The following RBFOX1 variants were observed in gnomAD, a reference collection of about 807,000 sequenced individuals.
RBFOX1 encodes the protein RNA binding fox-1 homolog 1.
RBFOX1 carries 8 observed loss-of-function variants against 57.7 expected under a neutral mutation model. The ratio of observed to expected loss-of-function variants is 0.14; its 90% CI spans 0.08 to 0.25. The LOEUF is 0.25. Ranked by LOEUF, RBFOX1 falls within the 10% of genes least tolerant of loss-of-function variation. RBFOX1 has a pLI of 1.00. For missense variants in RBFOX1, 611 were observed against 548.5 expected (o/e 1.11, Z -1.14); for synonymous variants, 326 against 222.4 (o/e 1.47, Z -4.15).
chr16:5,938,321 G>A (rs201973451), intron 4 of RBFOX1, among the ~76,000 whole-genome samples: 1 of 152,148 alleles, frequency 6.6e-6, no homozygotes, highest in Non-Finnish European at 1.5e-5. Context: ...TTCTCCTCCA[G>A]AGTGTCTCAC....
chr16:5,828,724 C>T (rs149188433), intron 3 of RBFOX1, among the ~76,000 whole-genome samples: 3 of 152,076 alleles, frequency 2.0e-5, no homozygotes, highest in African/African-American at 7.2e-5. Flanking sequence ...AAAATGGAAC[C>T]TTGTCAAAGT....
At chr16:6,866,259 C>T (rs921208618) in intron 3 of RBFOX1, among the ~76,000 whole-genome samples, 1 of 151,814 alleles carries the variant, frequency 6.6e-6, no homozygotes, top group Non-Finnish European at 1.5e-5. Context: ...AACTACTTTC[C>T]TACCACTTTT....
intron 1 of RBFOX1, among the ~76,000 whole-genome samples, chr16:6,286,620 C>A (rs1217058591): frequency 1.3e-5 from 2 of 152,162 alleles, no homozygotes; most frequent in African/African-American, 4.8e-5. Context: ...TTTTACAGAT[C>A]TGACTTCTCC....
intron 2 of RBFOX1, among the ~76,000 whole-genome samples, chr16:5,557,266 T>TAAATAAAC (rs1174213319): frequency 2.6e-5 from 3 of 115,488 alleles, no homozygotes; most frequent in East Asian, 4.9e-4. Context: ...TCTCAATAAA[T>TAAATAAAC]AAATAAATAA....
At chr16:7,323,681 A>G (rs565152713) in intron 4 of RBFOX1, among the ~76,000 whole-genome samples, 1 of 152,290 alleles carries the variant, frequency 6.6e-6, no homozygotes, top group African/African-American at 2.4e-5. Context: ...ACTTCATAGG[A>G]ATGAAGAGGG....
chr16:7,340,296 C>G (rs1568297467), intron 4 of RBFOX1, among the ~76,000 whole-genome samples: 1 of 152,232 alleles, frequency 6.6e-6, no homozygotes. Flanking sequence ...TTTGCACACA[C>G]CATCCCCTGG....
At chr16:7,012,966 C>T (rs1380840516) in intron 3 of RBFOX1, among the ~76,000 whole-genome samples, 1 of 152,130 alleles carries the variant, frequency 6.6e-6, no homozygotes, top group Non-Finnish European at 1.5e-5. Context: ...TGGCCACCTT[C>T]TCAATGTGTC....
At chr16:6,556,040 G>C (rs2097093707) in intron 2 of RBFOX1, among the ~76,000 whole-genome samples, 1 of 152,016 alleles carries the variant, frequency 6.6e-6, no homozygotes, top group South Asian at 2.1e-4. Context: ...GAGGCACTAG[G>C]GCATTTTGAG....
chr16:5,884,187 A>G (rs1047508702), intron 4 of RBFOX1, among the ~76,000 whole-genome samples: 5 of 152,152 alleles, frequency 3.3e-5, no homozygotes, highest in South Asian at 2.1e-4. Context: ...TGATACCTCA[A>G]TTTTACATTT....
chr16:6,344,649 G>A (rs1037750409), intron 2 of RBFOX1, among the ~76,000 whole-genome samples: 4 of 148,380 alleles, frequency 2.7e-5, no homozygotes, highest in African/African-American at 1.0e-4. Flanking sequence ...TGCCTGCCTC[G>A]GCCTCCCAAA....
chr16:5,572,006 T>G (rs2046300288), intron 2 of RBFOX1, among the ~76,000 whole-genome samples: 1 of 152,174 alleles, frequency 6.6e-6, no homozygotes, highest in Non-Finnish European at 1.5e-5. Flanking sequence ...GCCTCCTCTA[T>G]TCTCCATTAG....
chr16:7,230,023 G>T (rs1339048501), intron 4 of RBFOX1, among the ~76,000 whole-genome samples: 1 of 113,996 alleles, frequency 8.8e-6, no homozygotes, highest in Non-Finnish European at 1.8e-5. Context: ...GGAGGAAGAG[G>T]GGAAGGAAGG....
In RBFOX1 at chr16:5,703,160, C is replaced by A. The variant is rs111704227; in HGVS notation, c.318+104199C>A. Among the ~76,000 whole-genome samples the A allele has an allele frequency of 2.4e-3, 362 of 152,270 alleles. 2 individuals are homozygous for A. Among genetic ancestry groups the A allele is most frequent in the South Asian group, 3.7e-3 (18 of 4,822 alleles). On this transcript the variant is annotated intron_variant, in intron 3 of 19. Coordinates refer to the RBFOX1 transcript ENST00000641259. ...TGAGAGAGATATGGAGCAAATGATC[C>A]TGTATAATTGCAACTTTGCTATGAA...
chr16:5,555,983 T>C (rs1379471819), intron 2 of RBFOX1, among the ~76,000 whole-genome samples: 1 of 152,052 alleles, frequency 6.6e-6, no homozygotes, highest in Admixed American at 6.5e-5. Flanking sequence ...GTCATGCCAT[T>C]GCACTCCAGC....
chr16:5,804,232 G>A (rs1016183408), intron 3 of RBFOX1, among the ~76,000 whole-genome samples: 1 of 152,210 alleles, frequency 6.6e-6, no homozygotes, highest in African/African-American at 2.4e-5. Context: ...ATAAATGCAT[G>A]AATTAATGGA....
At position 7,256,649 on chromosome 16, in the gene RBFOX1, C is replaced by G. The variant is rs145176389; in HGVS notation, c.27+204551C>G. On this transcript the variant is annotated intron_variant, in intron 4 of 15. Coordinates refer to ENST00000550418, the MANE Select transcript of RBFOX1 (RefSeq NM_018723.4). ...AGTCATATCTAAAATTTCTTACCCT[C>G]TTGTAACTAAGAATCCATTTCCACC... Among the ~76,000 whole-genome samples the G allele has an allele frequency of 6.2e-3, 938 of 152,298 alleles. 2 individuals carry two copies. The highest frequency in any genetic ancestry group is 0.017 in the Middle Eastern group (5 of 294).
intron 10 of RBFOX1, among the ~76,000 whole-genome samples, chr16:7,615,879 C>G (rs1012433589): frequency 1.3e-5 from 2 of 152,120 alleles, no homozygotes; most frequent in Non-Finnish European, 2.9e-5. Flanking sequence ...AAATTCTGTC[C>G]TCATTGACGC....
At chr16:5,464,321 G>T (rs1429067125) in intron 1 of RBFOX1, among the ~76,000 whole-genome samples, 1 of 152,240 alleles carries the variant, frequency 6.6e-6, no homozygotes, top group Non-Finnish European at 1.5e-5. Context: ...CATGGTGAAT[G>T]ATTCTCTTGG....
chr16:5,997,852 T>C (rs1250041248), intron 4 of RBFOX1, among the ~76,000 whole-genome samples: 1 of 134,188 alleles, frequency 7.5e-6, no homozygotes, highest in African/African-American at 2.5e-5. Context: ...TTTACTTTAC[T>C]TTTTTTTTAT....
Sources: allele counts gnomAD v4.1 joint callset (sites outside exome capture counted in the v4.1 genomes callset), GRCh38; gene constraint gnomAD v4.1.1; transcripts MANE v1.5; gene names NCBI Gene and HGNC (gene_info 2026-07-23, HGNC 2026-07-21).